PTPRG: variants seen among roughly 807,000 people sequenced by gnomAD.
PTPRG encodes the protein protein tyrosine phosphatase receptor type G.
PTPRG carries 102 observed loss-of-function variants against 165.3 expected under a neutral mutation model. The ratio of observed to expected loss-of-function variants is 0.62; its 90% CI spans 0.53 to 0.73. The LOEUF (loss-of-function observed/expected upper bound fraction) is 0.73, where lower values mean the gene tolerates loss of function less well. Ranked by LOEUF, PTPRG falls within the 30% of genes least tolerant of loss-of-function variation. PTPRG has a pLI of 0.00. For missense variants in PTPRG, 1,866 were observed against 1,861.4 expected, an observed-to-expected ratio of 1.00 and a Z score of -0.05; for synonymous variants, 675 against 669.5, an observed-to-expected ratio of 1.01 and a Z score of -0.13.
intron 2 of PTPRG, among the ~76,000 whole-genome samples, chr3:61,884,003 A>C (rs966655470): frequency 6.6e-6 from 1 of 152,162 alleles, no homozygotes; most frequent in Non-Finnish European, 1.5e-5. Context: ...GGTGTACAAC[A>C]TTCTTAGTTG....
intron 2 of PTPRG, among the ~76,000 whole-genome samples, chr3:61,910,064 T>A (rs905133443): frequency 6.6e-6 from 1 of 152,202 alleles, no homozygotes; most frequent in Non-Finnish European, 1.5e-5. Flanking sequence ...AGTAGTATTT[T>A]TAATTCACTT....
intron 1 of PTPRG, among the ~76,000 whole-genome samples, chr3:61,687,538 AT>A (rs1703671674): frequency 1.3e-5 from 2 of 152,200 alleles, no homozygotes; most frequent in Non-Finnish European, 2.9e-5. Context: ...TCCAGTTGAT[AT>A]TTTTTATTCT....
intron 2 of PTPRG, among the ~76,000 whole-genome samples, chr3:61,976,175 A>T (rs1220991792): frequency 6.6e-6 from 1 of 152,218 alleles, no homozygotes; most frequent in African/African-American, 2.4e-5. Context: ...GTTGACATGG[A>T]GAAATGAGGA....
chr3:61,724,569 C>T (rs1453382967), intron 1 of PTPRG, among the ~76,000 whole-genome samples: 1 of 152,036 alleles, frequency 6.6e-6, no homozygotes, highest in African/African-American at 2.4e-5. Flanking sequence ...CTGCCAGGCT[C>T]TTCCAGAGTA....
intron 4 of PTPRG, among the ~76,000 whole-genome samples, chr3:62,029,570 C>G (rs1457920250): frequency 6.6e-6 from 1 of 152,212 alleles, no homozygotes; most frequent in Non-Finnish European, 1.5e-5. Flanking sequence ...GGAAAACTTA[C>G]CATCTGGATG....
In PTPRG at chr3:62,047,452, G is replaced by T. The variant is rs1382068179; in HGVS notation, c.520-30711G>T. Among the ~76,000 whole-genome samples, 8 of 152,024 alleles carry T rather than the reference G, an allele frequency of 5.3e-5. 1 individual carries two copies. The Middle Eastern group carries it at 0.014, about 260-fold the overall frequency. On this transcript the variant is annotated intron_variant, in intron 4 of 29. Transcript: ENST00000474889. The stretch of plus-strand genomic sequence containing the variant: ...TTTTTTTGTATTTTTAGTAGAGATG[G>T]GGTTTCGCCATGTTGGCCAGGTTAG...
At chr3:61,756,764 T>C (rs1437177522) in intron 2 of PTPRG, among the ~76,000 whole-genome samples, 3 of 152,192 alleles carry the variant, frequency 2.0e-5, no homozygotes, top group Non-Finnish European at 2.9e-5. Flanking sequence ...TTTAGTGCTG[T>C]GTTGTTATCA....
chr3:61,572,680 G>T (rs1410401868), intron 1 of PTPRG, among the ~76,000 whole-genome samples: 6 of 152,178 alleles, frequency 3.9e-5, no homozygotes, highest in African/African-American at 1.4e-4. Flanking sequence ...CGGCCCTCAT[G>T]ACAGCTTCCC....
chr3:61,921,110 C>T (rs1160885775), intron 2 of PTPRG, among the ~76,000 whole-genome samples: 2 of 137,112 alleles, frequency 1.5e-5, no homozygotes, highest in Non-Finnish European at 3.0e-5. Flanking sequence ...CATCTCCTTC[C>T]ATCCATCTCC....
At chr3:62,086,072 G>T (rs921686873) in intron 5 of PTPRG, among the ~76,000 whole-genome samples, 2 of 152,070 alleles carry the variant, frequency 1.3e-5, no homozygotes, top group African/African-American at 4.8e-5. Flanking sequence ...AGAGTATGAA[G>T]TTTCGACTTG....
intron 6 of PTPRG, among the ~76,000 whole-genome samples, chr3:62,141,418 G>A (rs1340862500): frequency 6.6e-6 from 1 of 151,912 alleles, no homozygotes; most frequent in East Asian, 1.9e-4. Flanking sequence ...TCAGCAACAT[G>A]GTGTTTTATC....
intron 2 of PTPRG, among the ~76,000 whole-genome samples, chr3:61,900,193 G>A (rs1352219073): frequency 6.6e-6 from 1 of 151,922 alleles, no homozygotes; most frequent in African/African-American, 2.4e-5. Context: ...AACAACACAA[G>A]GTTGTAATGT....
intron 1 of PTPRG, among the ~76,000 whole-genome samples, chr3:61,616,741 GATTT>G (rs1701308789): frequency 1.3e-5 from 2 of 152,156 alleles, no homozygotes; most frequent in South Asian, 4.1e-4. Context: ...GTGTTGGCTA[GATTT>G]CATTCTCTCA....
chr3:62,120,823 T>C (rs1368973518), intron 5 of PTPRG, among the ~76,000 whole-genome samples: 1 of 152,120 alleles, frequency 6.6e-6, no homozygotes, highest in East Asian at 1.9e-4. Context: ...CTGAATTTAG[T>C]TCAGGACTCA....
At chr3:62,029,921 A>G (rs1699707607) in intron 4 of PTPRG, among the ~76,000 whole-genome samples, 1 of 152,180 alleles carries the variant, frequency 6.6e-6, no homozygotes, top group African/African-American at 2.4e-5. Flanking sequence ...ACATTGTCCA[A>G]TCTGATTTTC....
chr3:62,194,843 C>G (rs142223809), intron 9 of PTPRG, among the ~76,000 whole-genome samples: 28 of 152,136 alleles, frequency 1.8e-4, no homozygotes, highest in African/African-American at 5.5e-4. Flanking sequence ...TTCCTGTGTC[C>G]TGAACATTTC....
intron 1 of PTPRG, among the ~76,000 whole-genome samples, chr3:61,662,013 A>C (rs923276887): frequency 2.6e-5 from 4 of 152,204 alleles, no homozygotes; most frequent in Admixed American, 2.0e-4. Context: ...TGGTTAGCAC[A>C]CTAACAAATA....
chr3:61,647,605 A>G (rs184653755), intron 1 of PTPRG, among the ~76,000 whole-genome samples: 40 of 152,186 alleles, frequency 2.6e-4, no homozygotes, highest in Middle Eastern at 3.4e-3. Flanking sequence ...CCTGGCTAAC[A>G]CAGTGAAACC....
At chr3:62,074,549 C>A (rs976460112) in intron 4 of PTPRG, among the ~76,000 whole-genome samples, 1 of 151,950 alleles carries the variant, frequency 6.6e-6, no homozygotes, top group African/African-American at 2.4e-5. Context: ...CTGTGTTGCC[C>A]AGGCTGGCCT....
Sources: gnomAD v4.1 joint callset for allele counts (sites outside exome capture counted in the v4.1 genomes callset) on GRCh38, gnomAD v4.1.1 for gene constraint, MANE v1.5 for transcripts, NCBI Gene and HGNC (gene_info 2026-07-23, HGNC 2026-07-21) for gene names.